Variants in DYNLRB1 observed in about 807,000 individuals in gnomAD.
The protein encoded by DYNLRB1 is ROBL/LC7-like 1.
In DYNLRB1, 6 loss-of-function variants were observed where a neutral mutation model predicts 13.5. That is an observed-to-expected ratio of 0.44 (90% CI 0.24 to 0.88). DYNLRB1 has a LOEUF of 0.88. DYNLRB1 is among the 40% of genes least tolerant of loss of function. The probability of loss-of-function intolerance (pLI) is 0.21; values close to 1 mark genes in which losing one functional copy is unlikely to be tolerated. For synonymous variants in DYNLRB1, 43 were observed against 45.0 expected (o/e 0.96, Z 0.18); for missense variants, 93 against 127.2 (o/e 0.73, Z 1.29).
At chr20:34,527,001 C>T (rs1209745905) in intron 2 of DYNLRB1, among the ~76,000 whole-genome samples, 1 of 152,196 alleles carries the variant, frequency 6.6e-6, no homozygotes, top group Non-Finnish European at 1.5e-5. Flanking sequence ...TGTACAGATA[C>T]TAACTTTCCC....
At chr20:34,520,650 T>C (rs1979638921) in intron 1 of DYNLRB1, among the ~76,000 whole-genome samples, 1 of 152,192 alleles carries the variant, frequency 6.6e-6, no homozygotes, top group Non-Finnish European at 1.5e-5. Context: ...GGTTTCGCCA[T>C]GTTGGCCAGG....
At chr20:34,520,415 A>G (rs1165258325) in intron 1 of DYNLRB1, among the ~76,000 whole-genome samples, 3 of 152,060 alleles carry the variant, frequency 2.0e-5, no homozygotes, top group African/African-American at 7.2e-5. Context: ...CAAATATCTT[A>G]CCTGTGTACA....
Position 34,536,277 on chromosome 20 carries a change from C to A in DYNLRB1, c.247+1482C>A, listed in dbSNP as rs573675642. 8 of 985,444 alleles carry A rather than the reference C, an allele frequency of 8.1e-6. No individual in the cohort carries two copies. The African/African-American group carries it at 1.4e-4, about 17-fold the overall frequency. The allele number at this position is 985,444 out of a possible 1,614,324, so 61.0% of individuals were successfully genotyped here. A position where few individuals can be genotyped will look rare whatever the true frequency, so the allele number is the denominator to read the frequency against. On this transcript the variant is annotated intron_variant, in intron 3 of 3. Transcript: ENST00000357156. ...GGCAAGTCGCAGAACACCTGCAAAT[C>A]CACATCTGTAAAGTGTCGAGTAGGG... is the stretch of plus-strand genomic sequence containing the variant.
chr20:34,539,814 T>A (rs1981440972), intron 3 of DYNLRB1, among the ~76,000 whole-genome samples: 1 of 151,918 alleles, frequency 6.6e-6, no homozygotes, highest in East Asian at 2.0e-4. Context: ...AAAAACTTTT[T>A]AAAAATTTAC....
intron 3 of DYNLRB1, chr20:34,535,870 G>A (rs1015017732): frequency 2.0e-6 from 2 of 985,232 alleles, no homozygotes; most frequent in Admixed American, 1.2e-4. Flanking sequence ...GATAAAGGAA[G>A]GCAGTGGGGG....
chr20:34,518,489 A>G (rs909022614), intron 1 of DYNLRB1, among the ~76,000 whole-genome samples: 1 of 152,092 alleles, frequency 6.6e-6, no homozygotes, highest in Admixed American at 6.5e-5. Context: ...CTCCTTTAGA[A>G]ACAACCATTG....
At chr20:34,536,512 C>G (rs1981152662) in intron 3 of DYNLRB1, 5 of 979,760 alleles carry the variant, frequency 5.1e-6, no homozygotes, top group Non-Finnish European at 6.1e-6. Context: ...TTTGGGAGGC[C>G]AAGGCAGGCG....
chr20:34,517,096 C>A (rs1043500213), intron 1 of DYNLRB1, among the ~76,000 whole-genome samples: 2 of 152,146 alleles, frequency 1.3e-5, no homozygotes, highest in Non-Finnish European at 2.9e-5. Flanking sequence ...TTGCTTTCTA[C>A]CTTGCTTGCT....
intron 3 of DYNLRB1, among the ~76,000 whole-genome samples, chr20:34,537,234 G>A (rs1981219613): frequency 6.6e-6 from 1 of 152,152 alleles, no homozygotes; most frequent in African/African-American, 2.4e-5. Context: ...CACACATGCG[G>A]CGCTGTGCTG....
In DYNLRB1 at chr20:34,540,815, C is replaced by T. The variant is rs959409539; in HGVS notation, c.*191C>T. ...CTGTGTGCACCAACCTTCCCCAGAG[C>T]TCCGGAGCGCCCTCTCCTCACTTCC... On this transcript the variant is annotated 3_prime_UTR_variant, in exon 4 of 4. Transcript: ENST00000357156. 9 of 543,564 alleles carry T rather than the reference C, an allele frequency of 1.7e-5. No individual in the cohort carries two copies. Among genetic ancestry groups the T allele is most frequent in the Non-Finnish European group, 2.2e-5 (7 of 314,142 alleles). The allele number at this position is 543,564 out of a possible 1,614,324, so 33.7% of individuals were successfully genotyped here.
chr20:34,523,665 C>T (rs1250644202), intron 1 of DYNLRB1, among the ~76,000 whole-genome samples: 1 of 152,166 alleles, frequency 6.6e-6, no homozygotes, highest in African/African-American at 2.4e-5. Context: ...TTCACATTCC[C>T]ATCACCCCTG....
chr20:34,535,520 CAG>C, intron 3 of DYNLRB1: 2 of 731,050 alleles, frequency 2.7e-6, no homozygotes, highest in Non-Finnish European at 3.3e-6. Context: ...GAGCGAGCAA[CAG>C]AGCCACATCT....
chr20:34,535,387 G>C (rs1267664257), intron 3 of DYNLRB1: 1 of 981,108 alleles, frequency 1.0e-6, no homozygotes, highest in East Asian at 1.1e-4. Context: ...TCCTTTACGC[G>C]AGGTGCTTGC....
At chr20:34,529,613 C>T (rs1980537295) in intron 2 of DYNLRB1, among the ~76,000 whole-genome samples, 1 of 151,868 alleles carries the variant, frequency 6.6e-6, no homozygotes, top group Non-Finnish European at 1.5e-5. Flanking sequence ...CCTGTAATCC[C>T]AGCTATTCGG....
At chr20:34,516,418 C>A (rs780387294), upstream of DYNLRB1, 3 of 1,612,066 alleles carry the variant, frequency 1.9e-6, no homozygotes, top group South Asian at 1.1e-5. Context: ...GCACAGGACT[C>A]GCTAAGTGTT....
At chr20:34,535,077 G>C in intron 3 of DYNLRB1, 2 of 985,402 alleles carry the variant, frequency 2.0e-6, no homozygotes, top group Non-Finnish European at 2.4e-6. Context: ...AAACTCAAAG[G>C]CATTTGGGAC....
At chr20:34,517,183 T>G (rs779936571) in intron 1 of DYNLRB1, among the ~76,000 whole-genome samples, 5 of 152,210 alleles carry the variant, frequency 3.3e-5, no homozygotes, top group Non-Finnish European at 5.9e-5. Flanking sequence ...TGAAAAAGTT[T>G]CAAATTTTAA....
At chr20:34,536,332 C>T (rs1233733071) in intron 3 of DYNLRB1, 2 of 985,234 alleles carry the variant, frequency 2.0e-6, no homozygotes, top group Non-Finnish European at 2.4e-6. Flanking sequence ...CCTGAGCCAC[C>T]CTGCCTGGTT....
upstream of DYNLRB1, chr20:34,516,396 A>G: frequency 1.9e-6 from 3 of 1,598,318 alleles, no homozygotes; most frequent in South Asian, 3.3e-5. Flanking sequence ...ACCTTTGCGC[A>G]GGCGCAGAAA....
Sources: allele counts gnomAD v4.1 joint callset (sites outside exome capture counted in the v4.1 genomes callset), GRCh38; gene constraint gnomAD v4.1.1; transcripts MANE v1.5; gene names NCBI Gene and HGNC (gene_info 2026-07-23, HGNC 2026-07-21).